Variants in BRINP3 observed in about 807,000 individuals in gnomAD.
BRINP3 encodes the protein BMP/retinoic acid inducible neural specific 3.
BRINP3 carries 19 observed loss-of-function variants against 71.0 expected under a neutral mutation model. The observed-to-expected ratio is 0.27, with a 90% CI of 0.19 to 0.39. The LOEUF (loss-of-function observed/expected upper bound fraction) is 0.39, where lower values mean the gene tolerates loss of function less well. BRINP3 is among the 10% of genes least tolerant of loss of function. The pLI, the probability that BRINP3 is intolerant of heterozygous loss-of-function variation, is 1.00. For synonymous variants in BRINP3, 380 were observed against 337.7 expected (o/e 1.13, Z -1.37); for missense variants, 959 against 940.8 (o/e 1.02, Z -0.25).
At chr1:190,310,785 T>C (rs1665462025) in intron 2 of BRINP3, among the ~76,000 whole-genome samples, 1 of 151,810 alleles carries the variant, frequency 6.6e-6, no homozygotes, top group South Asian at 2.1e-4. Context: ...ATTGCTCATC[T>C]TTCAAAATCA....
At chr1:190,374,393 A>G (rs780419471) in intron 2 of BRINP3, among the ~76,000 whole-genome samples, 35 of 152,178 alleles carry the variant, frequency 2.3e-4, no homozygotes, top group Non-Finnish European at 3.7e-4. Context: ...AGTCAAGAAC[A>G]TGGAAGTATT....
chr1:190,345,026 A>C (rs1372471728), intron 2 of BRINP3, among the ~76,000 whole-genome samples: 1 of 151,900 alleles, frequency 6.6e-6, no homozygotes, highest in Non-Finnish European at 1.5e-5. Context: ...ATGATTAATA[A>C]ATTTTAAAGT....
chr1:190,389,442 A>C (rs1671112601), intron 2 of BRINP3, among the ~76,000 whole-genome samples: 1 of 151,854 alleles, frequency 6.6e-6, no homozygotes, highest in Admixed American at 6.6e-5. Flanking sequence ...TGATAAAACA[A>C]AATCATTGTA....
chr1:190,393,423 C>T (rs1671376877), intron 2 of BRINP3, among the ~76,000 whole-genome samples: 1 of 151,496 alleles, frequency 6.6e-6, no homozygotes, highest in African/African-American at 2.4e-5. Context: ...AAGAGAACTC[C>T]ATGGGGAAGG....
In BRINP3 at chr1:190,160,725, A is replaced by G; in HGVS notation, c.1127T>C (p.Leu376Pro). ...ATGACACCTCTTGCTAAGGCTAAAA[A>G]GCTTGTGTACAATTTTCTGCGCCTT... ...FLKAQKIVHK[L>P]FSLSKRCHKQ... The change falls in exon 7 of 8, where the codon CTT (leucine) becomes CCT (proline). Residue 376 changes from leucine to proline, a missense_variant. Transcript: ENST00000367462. The G allele has an allele frequency of 1.2e-6, 2 of 1,613,588 alleles. No homozygotes were observed. The highest frequency in any genetic ancestry group is 1.7e-6 in the Non-Finnish European group (2 of 1,179,698).
At chr1:190,155,537 T>TGGC (rs1416783883) in intron 7 of BRINP3, among the ~76,000 whole-genome samples, 1 of 152,128 alleles carries the variant, frequency 6.6e-6, no homozygotes, top group Non-Finnish European at 1.5e-5. Flanking sequence ...GCTCTGTGAA[T>TGGC]GGCAGCACAA....
intron 2 of BRINP3, among the ~76,000 whole-genome samples, chr1:190,350,245 A>C (rs1558206434): frequency 6.6e-6 from 1 of 152,280 alleles, no homozygotes; most frequent in African/African-American, 2.4e-5. Flanking sequence ...CCTTAAATGT[A>C]GATCCACAGC....
At chr1:190,432,721 A>G (rs903627702) in intron 2 of BRINP3, among the ~76,000 whole-genome samples, 1 of 152,178 alleles carries the variant, frequency 6.6e-6, no homozygotes, top group African/African-American at 2.4e-5. Flanking sequence ...TCTCAGCTGA[A>G]TACTAATTTA....
intron 2 of BRINP3, among the ~76,000 whole-genome samples, chr1:190,402,108 T>C (rs1410714619): frequency 1.3e-5 from 2 of 152,072 alleles, no homozygotes; most frequent in African/African-American, 4.8e-5. Flanking sequence ...AGAATAATCT[T>C]TTACTCTTGA....
intron 2 of BRINP3, among the ~76,000 whole-genome samples, chr1:190,349,912 C>T (rs1668262702): frequency 6.6e-6 from 1 of 152,018 alleles, no homozygotes; most frequent in Non-Finnish European, 1.5e-5. Flanking sequence ...TTAGTATCTC[C>T]TTGTGTGTGG....
intron 2 of BRINP3, among the ~76,000 whole-genome samples, chr1:190,429,554 C>A (rs1480358754): frequency 6.7e-6 from 1 of 150,214 alleles, no homozygotes; most frequent in Non-Finnish European, 1.5e-5. Flanking sequence ...ATCAAGTTAT[C>A]TAAAGATTTT....
intron 2 of BRINP3, among the ~76,000 whole-genome samples, chr1:190,413,499 T>C (rs535214495): frequency 6.6e-6 from 1 of 152,306 alleles, no homozygotes; most frequent in South Asian, 2.1e-4. Flanking sequence ...ATAAATCAAA[T>C]CACCATATAC....
intron 2 of BRINP3, among the ~76,000 whole-genome samples, chr1:190,392,646 A>G (rs1415770158): frequency 1.3e-5 from 2 of 151,698 alleles, no homozygotes; most frequent in Non-Finnish European, 3.0e-5. Context: ...AATAGTTCAC[A>G]TTTCTTTTTC....
intron 4 of BRINP3, among the ~76,000 whole-genome samples, chr1:190,254,928 ATTTT>A (rs1029212941): frequency 6.6e-6 from 1 of 152,240 alleles, no homozygotes; most frequent in Non-Finnish European, 1.5e-5. Flanking sequence ...AACTCTTATT[ATTTT>A]GAGATACATT....
intron 2 of BRINP3, among the ~76,000 whole-genome samples, chr1:190,354,631 T>C (rs1315542661): frequency 6.6e-6 from 1 of 151,964 alleles, no homozygotes; most frequent in Non-Finnish European, 1.5e-5. Flanking sequence ...CACAATATTT[T>C]CTTTGCTGAG....
rs144402162 is a variant in BRINP3, at chr1:190,382,464, T to A, written c.236+72191A>T. Among the ~76,000 whole-genome samples, 833 of 152,124 alleles carry A rather than the reference T, an allele frequency of 5.5e-3. 5 individuals carry two copies. Among genetic ancestry groups the A allele is most frequent in the African/African-American group, 0.018 (763 of 41,516 alleles). Reference sequence around the variant, plus strand: ...CTTCAACTTAGTAGTGCAAGAAGTTTAAAAAAAATCCGAAGTATAAATTTT... The same window carrying A: ...CTTCAACTTAGTAGTGCAAGAAGTTAAAAAAAAATCCGAAGTATAAATTTT... On this transcript the variant is annotated intron_variant, in intron 2 of 7. Coordinates refer to ENST00000367462, the MANE Select transcript of BRINP3 (RefSeq NM_199051.3).
intron 3 of BRINP3, among the ~76,000 whole-genome samples, chr1:190,265,460 G>A (rs1182893689): frequency 1.3e-5 from 2 of 151,602 alleles, no homozygotes; most frequent in African/African-American, 2.4e-5. Flanking sequence ...CCAGCACTAT[G>A]GAAGGCCGAG....
chr1:190,277,613 C>T (rs1662697376), intron 3 of BRINP3, among the ~76,000 whole-genome samples: 1 of 151,530 alleles, frequency 6.6e-6, no homozygotes. Flanking sequence ...AATTAAAGCC[C>T]ACCAATTTTA....
At chr1:190,231,041 T>G (rs1039482699) in intron 5 of BRINP3, among the ~76,000 whole-genome samples, 8 of 151,566 alleles carry the variant, frequency 5.3e-5, no homozygotes, top group Non-Finnish European at 1.2e-4. Flanking sequence ...ATTTTAAAAA[T>G]ATTTCTGACA....
Sources: allele counts gnomAD v4.1 joint callset (sites outside exome capture counted in the v4.1 genomes callset), GRCh38; gene constraint gnomAD v4.1.1; transcripts MANE v1.5; gene names NCBI Gene and HGNC (gene_info 2026-07-23, HGNC 2026-07-21).